PAQR5: variants seen among roughly 807,000 people sequenced by gnomAD.
The protein encoded by PAQR5 is membrane progestin receptor gamma.
In PAQR5, 20 loss-of-function variants were observed where a neutral mutation model predicts 34.5. The ratio of observed to expected loss-of-function variants is 0.58; its 90% confidence interval spans 0.41 to 0.84. PAQR5 has a LOEUF of 0.84. Ranked by LOEUF, PAQR5 falls within the 40% of genes least tolerant of loss-of-function variation. The pLI, the probability that PAQR5 is intolerant of heterozygous loss-of-function variation, is 0.00. For missense variants in PAQR5, 378 were observed against 412.7 expected (o/e 0.92, Z 0.73); for synonymous variants, 131 against 155.6 (o/e 0.84, Z 1.18).
intron 3 of PAQR5, among the ~76,000 whole-genome samples, chr15:69,371,805 C>G (rs2055570686): frequency 6.6e-6 from 1 of 152,112 alleles, no homozygotes; most frequent in South Asian, 2.1e-4. Context: ...ATAGCCAAAC[C>G]TAGATTTTTT....
chr15:69,301,726 T>G (rs768394667), intron 1 of PAQR5, among the ~76,000 whole-genome samples: 7 of 152,104 alleles, frequency 4.6e-5, no homozygotes, highest in Non-Finnish European at 8.8e-5. Flanking sequence ...CCTCCCTGGT[T>G]GGCGGTAAGT....
At chr15:69,343,966 T>C (rs1024173501) in intron 2 of PAQR5, among the ~76,000 whole-genome samples, 1 of 152,208 alleles carries the variant, frequency 6.6e-6, no homozygotes, top group Non-Finnish European at 1.5e-5. Flanking sequence ...CCTGAGTGGC[T>C]GGGACCACAG....
Position 69,404,138 on chromosome 15 carries a change from T to C in PAQR5, c.*316T>C, listed in dbSNP as rs758898715. 44 of 275,468 alleles carry C rather than the reference T, an allele frequency of 1.6e-4. No homozygotes were observed. Among genetic ancestry groups the C allele is most frequent in the Non-Finnish European group, 2.1e-4 (30 of 144,390 alleles). The allele number at this position is 275,468 out of a possible 1,614,324, so 17.1% of individuals were successfully genotyped here. A position where few individuals can be genotyped will look rare whatever the true frequency, so the allele number is the denominator to read the frequency against. On this transcript the variant is annotated 3_prime_UTR_variant, in exon 9 of 9. Transcript: ENST00000395407. ...TATTTAAACATTTGGATTAAGCATA[T>C]TACTCTGGAGCTTTGTATTATTCTT...
chr15:69,381,670 C>A (rs2055887170), intron 4 of PAQR5, among the ~76,000 whole-genome samples: 1 of 152,158 alleles, frequency 6.6e-6, no homozygotes, highest in African/African-American at 2.4e-5. Flanking sequence ...CCTGACTGAG[C>A]AACAGAGAGT....
At chr15:69,347,260 C>A (rs199612876) in intron 2 of PAQR5, among the ~76,000 whole-genome samples, 2 of 152,150 alleles carry the variant, frequency 1.3e-5, no homozygotes, top group East Asian at 3.8e-4. Context: ...ACAGGAGGGT[C>A]AAGTTGGGTC....
chr15:69,375,654 C>T (rs575881692), intron 3 of PAQR5, among the ~76,000 whole-genome samples: 1 of 152,300 alleles, frequency 6.6e-6, no homozygotes, highest in Non-Finnish European at 1.5e-5. Context: ...ATTGAGGTTT[C>T]AGCTTTGCTT....
intron 1 of PAQR5, among the ~76,000 whole-genome samples, chr15:69,322,160 TA>T (rs34094930): frequency 0.43 from 52,333 of 120,842 alleles, 11,242 homozygotes; most frequent in African/African-American, 0.58. Context: ...ACCCCATTTC[TA>T]AAAAAAAAAA....
At chr15:69,344,979 A>G (rs2054730445) in intron 2 of PAQR5, among the ~76,000 whole-genome samples, 1 of 152,102 alleles carries the variant, frequency 6.6e-6, no homozygotes, top group African/African-American at 2.4e-5. Context: ...CTATAGTACT[A>G]GCTACTTGGG....
chr15:69,328,840 G>T (rs1405080935), intron 1 of PAQR5, among the ~76,000 whole-genome samples: 2 of 152,226 alleles, frequency 1.3e-5, no homozygotes, highest in Non-Finnish European at 1.5e-5. Context: ...AAGTCAGAGG[G>T]CAAGGCCAGT....
chr15:69,328,949 G>A (rs1033716591), intron 1 of PAQR5, among the ~76,000 whole-genome samples: 5 of 152,228 alleles, frequency 3.3e-5, no homozygotes, highest in Admixed American at 2.6e-4. Context: ...GGGCAGCCAG[G>A]CAGAAACAGG....
At chr15:69,317,941 T>C (rs938500086) in intron 1 of PAQR5, among the ~76,000 whole-genome samples, 2 of 152,180 alleles carry the variant, frequency 1.3e-5, no homozygotes, top group African/African-American at 4.8e-5. Flanking sequence ...CCTCAGCCTC[T>C]TTGGTATCCA....
chr15:69,379,611 A>G, intron 3 of PAQR5: 2 of 983,910 alleles, frequency 2.0e-6, no homozygotes, highest in Non-Finnish European at 2.4e-6. Flanking sequence ...TGCCAAGAGT[A>G]AGTACGCCGG....
At chr15:69,342,179 G>T (rs1322540994) in intron 2 of PAQR5, among the ~76,000 whole-genome samples, 1 of 152,080 alleles carries the variant, frequency 6.6e-6, no homozygotes, top group Non-Finnish European at 1.5e-5. Context: ...TGGCTATGAA[G>T]CGGTATCCCA....
rs150659245 is a variant in PAQR5 at position 69,386,906 on chromosome 15, C to T, written c.385+2024C>T. ...GTATGTCCAACCTGACTGATGGTCGCGCCCCTACTCCTTCTCCTGAGTCAG... is the reference window on the plus strand; with the variant it reads ...GTATGTCCAACCTGACTGATGGTCGTGCCCCTACTCCTTCTCCTGAGTCAG... On this transcript the variant is annotated intron_variant, in intron 5 of 8. Transcript: ENST00000395407. 9.9e-4 allele frequency among the ~76,000 whole-genome samples: 150 copies of T among 152,224 alleles called. 1 individual carries two copies. The highest frequency in any genetic ancestry group is 3.2e-3 in the African/African-American group (134 of 41,532).
In PAQR5 at chr15:69,339,171, C is replaced by CG. The variant is rs924957899; in HGVS notation, c.-116+1670_-116+1671insG. On this transcript the variant is annotated intron_variant, in intron 2 of 8. Coordinates refer to ENST00000395407, the MANE Select transcript of PAQR5 (RefSeq NM_017705.4). ...CACCACTCCTGGCCCACTGGCTACA[C>CG]CCCCCACCCCGCCACCAAGTTATCC... is the stretch of plus-strand genomic sequence containing the variant. 5.5e-4 allele frequency among the ~76,000 whole-genome samples: 80 copies of CG among 144,978 alleles called. 7 individuals carry two copies. The South Asian group carries it at 6.1e-3, about 11-fold the overall frequency.
At chr15:69,338,667 A>G (rs1010750073) in intron 2 of PAQR5, among the ~76,000 whole-genome samples, 1 of 152,184 alleles carries the variant, frequency 6.6e-6, no homozygotes, top group Non-Finnish European at 1.5e-5. Flanking sequence ...TTAAGGTGTT[A>G]CAAAATCCAA....
At chr15:69,391,720 G>T (rs577807718) in intron 6 of PAQR5, 1 of 455,838 alleles carries the variant, frequency 2.2e-6, no homozygotes, top group East Asian at 7.0e-5. Context: ...ACAGGTTGAG[G>T]GGGCAGAGGA....
At chr15:69,349,196 C>A (rs1158817083) in intron 2 of PAQR5, among the ~76,000 whole-genome samples, 1 of 152,216 alleles carries the variant, frequency 6.6e-6, no homozygotes, top group South Asian at 2.1e-4. Flanking sequence ...CCTCTGTCTG[C>A]GGGTAAACTC....
In PAQR5 at chr15:69,406,677, TG is replaced by T. The variant is rs1277972404; in HGVS notation, c.*2858del. The stretch of plus-strand genomic sequence containing the variant: ...TGGGCCCAAGAATTCAGGACCAGTC[TG>T]GGCAACAGAGCCAGACACTGTCTCT... On this transcript the variant is annotated 3_prime_UTR_variant, in exon 9 of 9. Coordinates refer to ENST00000395407, the MANE Select transcript of PAQR5 (RefSeq NM_017705.4). 6.6e-6 allele frequency: 1 copy of T among 152,208 alleles called. No individual in the cohort carries two copies. Among genetic ancestry groups the T allele is most frequent in the East Asian group, 1.9e-4 (1 of 5,180 alleles). 9.4% of individuals were successfully genotyped at this position (152,208 alleles called of 1,614,324 possible).
Sources: allele counts gnomAD v4.1 joint callset (sites outside exome capture counted in the v4.1 genomes callset), GRCh38; gene constraint gnomAD v4.1.1; transcripts MANE v1.5; gene names NCBI Gene and HGNC (gene_info 2026-07-23, HGNC 2026-07-21).